The following GRIA4 variants were observed in gnomAD, a reference collection of about 807,000 sequenced individuals.
GRIA4 encodes the protein glutamate ionotropic receptor AMPA type subunit 4.
GRIA4 carries 34 observed loss-of-function variants against 104.0 expected under a neutral mutation model. That is an observed-to-expected ratio of 0.33 (90% CI 0.25 to 0.44). The LOEUF (loss-of-function observed/expected upper bound fraction) is 0.44, where lower values mean the gene tolerates loss of function less well. Ranked by LOEUF, GRIA4 falls within the 20% of genes least tolerant of loss-of-function variation. GRIA4 has a pLI of 1.00. For missense variants in GRIA4, 750 were observed against 1,096.5 expected (o/e 0.68, Z 4.46); for synonymous variants, 386 against 381.9 (o/e 1.01, Z -0.13).
intron 4 of GRIA4, among the ~76,000 whole-genome samples, chr11:105,806,206 T>C (rs1369268244): frequency 2.0e-5 from 3 of 151,806 alleles, no homozygotes; most frequent in African/African-American, 4.8e-5. Context: ...AAAAAAGAAA[T>C]ATAAGTGGTT....
chr11:105,666,435 G>A (rs773537071), intron 3 of GRIA4, among the ~76,000 whole-genome samples: 8 of 151,910 alleles, frequency 5.3e-5, no homozygotes, highest in Non-Finnish European at 1.2e-4. Flanking sequence ...ATGAAAATGA[G>A]TTTATTCCTT....
At chr11:105,625,966 T>A (rs1950876370) in intron 3 of GRIA4, among the ~76,000 whole-genome samples, 1 of 152,158 alleles carries the variant, frequency 6.6e-6, no homozygotes, top group Admixed American at 6.6e-5. Flanking sequence ...ATTTTTAAAT[T>A]CTGTGGGACT....
chr11:105,670,549 C>A (rs572044001), intron 3 of GRIA4, among the ~76,000 whole-genome samples: 143 of 152,226 alleles, frequency 9.4e-4, no homozygotes, highest in Middle Eastern at 3.4e-3. Context: ...GTTACAAGTG[C>A]ATGCAACAAA....
At chr11:105,839,086 C>T (rs1944295206) in intron 4 of GRIA4, among the ~76,000 whole-genome samples, 1 of 152,132 alleles carries the variant, frequency 6.6e-6, no homozygotes, top group Non-Finnish European at 1.5e-5. Flanking sequence ...CCCCCTCTAG[C>T]TTTCCCTCTA....
chr11:105,796,992 T>C (rs909095148), intron 4 of GRIA4, among the ~76,000 whole-genome samples: 6 of 151,922 alleles, frequency 3.9e-5, no homozygotes, highest in Non-Finnish European at 8.8e-5. Flanking sequence ...AGACTTTGGG[T>C]GGCCGAGGTG....
intron 14 of GRIA4, among the ~76,000 whole-genome samples, chr11:105,935,068 A>T (rs1947992879): frequency 6.6e-6 from 1 of 152,162 alleles, no homozygotes; most frequent in Admixed American, 6.6e-5. Flanking sequence ...ACTTGTTTTC[A>T]TTGGTTTCAA....
chr11:105,644,979 C>G (rs185537531), intron 3 of GRIA4, among the ~76,000 whole-genome samples: 28 of 152,234 alleles, frequency 1.8e-4, no homozygotes, highest in African/African-American at 6.3e-4. Flanking sequence ...CTAAGCAGTG[C>G]GTGACTGGTA....
chr11:105,647,280 A>T (rs925139999), intron 3 of GRIA4, among the ~76,000 whole-genome samples: 6 of 152,202 alleles, frequency 3.9e-5, no homozygotes, highest in Non-Finnish European at 7.3e-5. Context: ...CTATTACTAA[A>T]AAGTCAAAAA....
intron 10 of GRIA4, among the ~76,000 whole-genome samples, chr11:105,914,486 T>C (rs1171589633): frequency 6.6e-6 from 1 of 152,114 alleles, no homozygotes. Flanking sequence ...TAAATGCAAA[T>C]AATCCAGAAA....
intron 16 of GRIA4, among the ~76,000 whole-genome samples, chr11:105,978,269 C>T (rs1356890652): frequency 6.6e-6 from 1 of 151,976 alleles, no homozygotes; most frequent in Non-Finnish European, 1.5e-5. Flanking sequence ...AGAAGATAAT[C>T]AAGTAGAAGT....
chr11:105,671,584 A>G (rs1052058911), intron 3 of GRIA4, among the ~76,000 whole-genome samples: 1 of 147,194 alleles, frequency 6.8e-6, no homozygotes, highest in Non-Finnish European at 1.5e-5. Flanking sequence ...AGGCTGAGGC[A>G]GGAGAATCGC....
chr11:105,946,605 T>C, intron 14 of GRIA4, among the ~76,000 whole-genome samples: 1 of 151,342 alleles, frequency 6.6e-6, no homozygotes. Context: ...AAATAAAAGC[T>C]AAATTAAAAA....
intron 3 of GRIA4, among the ~76,000 whole-genome samples, chr11:105,661,678 A>G (rs1952014332): frequency 2.3e-5 from 1 of 44,240 alleles, no homozygotes; most frequent in African/African-American, 7.3e-5. Context: ...AAATAGTCCA[A>G]CTGAAACAGA....
chr11:105,753,341 T>G, intron 4 of GRIA4, 121 bp downstream of exon 4: 1 of 871,928 alleles, frequency 1.1e-6, no homozygotes, highest in Non-Finnish European at 1.8e-6. Context: ...CAGAAAATGG[T>G]TGATGTGTAT....
intron 4 of GRIA4, among the ~76,000 whole-genome samples, chr11:105,824,037 C>A (rs560305783): frequency 2.0e-5 from 3 of 152,160 alleles, no homozygotes; most frequent in Non-Finnish European, 4.4e-5. Flanking sequence ...CATCTGCTAG[C>A]CAAGGATAGA....
intron 4 of GRIA4, among the ~76,000 whole-genome samples, chr11:105,861,263 C>T (rs1945214840): frequency 6.6e-6 from 1 of 152,128 alleles, no homozygotes; most frequent in Admixed American, 6.6e-5. Flanking sequence ...GTTGTTTCTC[C>T]TCTGTGGTAT....
At chr11:105,628,028 A>T (rs141663625) in intron 3 of GRIA4, among the ~76,000 whole-genome samples, 1,822 of 152,256 alleles carry the variant, frequency 0.012, 36 homozygotes, top group African/African-American at 0.042. Flanking sequence ...TGAGTTGAAC[A>T]ATTGCAAGAT....
Position 105,889,749 on chromosome 11 carries a change from G to A in GRIA4, c.726+2177G>A, listed in dbSNP as rs188294923. ...AATAAAAGGCATCCAGATTGAAAAA[G>A]AAGATTATATGTATATAAAAATACT... On this transcript the variant is annotated intron_variant, in intron 6 of 16. Transcript: ENST00000282499. Among the ~76,000 whole-genome samples the A allele has an allele frequency of 6.7e-3, 1,014 of 152,162 alleles. 13 individuals are homozygous for A. Among genetic ancestry groups the A allele is most frequent in the South Asian group, 0.013 (63 of 4,822 alleles).
intron 3 of GRIA4, among the ~76,000 whole-genome samples, chr11:105,748,903 A>C (rs1939832114): frequency 6.6e-6 from 1 of 152,222 alleles, no homozygotes; most frequent in Admixed American, 6.5e-5. Context: ...ATTCAAGAGA[A>C]ACATTTGAAG....
Sources: gnomAD v4.1 joint callset for allele counts (sites outside exome capture counted in the v4.1 genomes callset) on GRCh38, gnomAD v4.1.1 for gene constraint, MANE v1.5 for transcripts, NCBI Gene and HGNC (gene_info 2026-07-23, HGNC 2026-07-21) for gene names.